SLCO3A1: variants seen among roughly 807,000 people sequenced by gnomAD.
SLCO3A1 encodes the protein solute carrier organic anion transporter family member 3A1.
Under a neutral mutation model 63.1 loss-of-function variants are expected in SLCO3A1, and 27 were observed. The observed-to-expected ratio is 0.43, with a 90% CI of 0.32 to 0.59. SLCO3A1 has a LOEUF of 0.59. Ranked by LOEUF, SLCO3A1 falls within the 20% of genes least tolerant of loss-of-function variation. The pLI is 0.09. For missense variants in SLCO3A1, 773 were observed against 945.8 expected, an observed-to-expected ratio of 0.82 and a Z score of 2.40; for synonymous variants, 473 against 409.9, an observed-to-expected ratio of 1.15 and a Z score of -1.86.
chr15:91,859,257 C>T lies in SLCO3A1; in HGVS notation c.180+5169C>T, dbSNP rs373201466. ...AAAATCTCGGTATTTTCTTGCCTCT[C>T]GGAAATGCCTTTGGTAATCTGTAGG... is the stretch of plus-strand genomic sequence containing the variant. On this transcript the variant is annotated intron_variant, in intron 1 of 9. Transcript: ENST00000318445. The surrounding 1 kb of genome is among the most constrained non-coding windows in gnomAD (Gnocchi z 5.1). 3.9e-5 allele frequency among the ~76,000 whole-genome samples: 6 copies of T among 152,260 alleles called. No individual in the cohort carries two copies. Among genetic ancestry groups the T allele is most frequent in the East Asian group, 1.9e-4 (1 of 5,178 alleles).
chr15:92,013,694 A>T (rs1052448681), intron 2 of SLCO3A1, among the ~76,000 whole-genome samples: 1 of 152,178 alleles, frequency 6.6e-6, no homozygotes, highest in African/African-American at 2.4e-5. Context: ...TGAGCTATAG[A>T]CCTGTCATAA....
At chr15:91,981,925 T>C (rs1021232832) in intron 2 of SLCO3A1, among the ~76,000 whole-genome samples, 1 of 152,260 alleles carries the variant, frequency 6.6e-6, no homozygotes, top group African/African-American at 2.4e-5. Context: ...AGCAGCTGCT[T>C]GCTGGTGAGC....
intron 10 of SLCO3A1, chr15:92,171,451 G>C (rs977641891): frequency 6.0e-5 from 14 of 234,986 alleles, no homozygotes; most frequent in African/African-American, 3.2e-4. Context: ...CACAAGGTCT[G>C]TCACTAGTAA....
intron 7 of SLCO3A1, 79 bp from the exon 8 acceptor site, chr15:92,146,905 C>A: frequency 7.5e-7 from 1 of 1,333,438 alleles, no homozygotes; most frequent in Admixed American, 2.3e-5. Flanking sequence ...TAGGCTGTGA[C>A]AGATTCAGCT....
At chr15:92,105,783 C>T (rs898359761) in intron 4 of SLCO3A1, among the ~76,000 whole-genome samples, 4 of 152,198 alleles carry the variant, frequency 2.6e-5, no homozygotes, top group African/African-American at 2.4e-5. Flanking sequence ...ATGGTCAGTC[C>T]CCTCTGTGCA....
At chr15:91,961,906 G>A (rs1196921898) in intron 2 of SLCO3A1, among the ~76,000 whole-genome samples, 1 of 152,226 alleles carries the variant, frequency 6.6e-6, no homozygotes, top group East Asian at 1.9e-4. Context: ...CTGAATGAAT[G>A]AATGCATTTG....
rs1900695744 is a variant in SLCO3A1, at chr15:91,967,318, A to G, written c.646+50860A>G. On this transcript the variant is annotated intron_variant, in intron 2 of 9. Transcript: ENST00000318445. This position sits in a 1 kb window ranked among gnomAD's most constrained non-coding sequence, Gnocchi z 4.4. ...AGAGGTATAAGAGGAAGCAGAGAGT[A>G]CTGTTTTCTAGATTAACTGCTCTAC... is the stretch of plus-strand genomic sequence containing the variant. 6.6e-6 allele frequency among the ~76,000 whole-genome samples: 1 copy of G among 152,192 alleles called. No individual in the cohort carries two copies. The highest frequency in any genetic ancestry group is 1.5e-5 in the Non-Finnish European group (1 of 68,030).
chr15:91,913,312 G>C (rs1259699470), intron 1 of SLCO3A1, among the ~76,000 whole-genome samples: 1 of 152,216 alleles, frequency 6.6e-6, no homozygotes, highest in Non-Finnish European at 1.5e-5. Context: ...CGAAGGCCAG[G>C]GCTGAAAGAG....
At position 92,121,476 on chromosome 15, in the gene SLCO3A1, C is replaced by T. The variant is rs80049629; in HGVS notation, c.1174+847C>T. Among the ~76,000 whole-genome samples the T allele has an allele frequency of 3.9e-3, 589 of 152,234 alleles. 2 individuals are homozygous for T. Among genetic ancestry groups the T allele is most frequent in the African/African-American group, 0.013 (552 of 41,524 alleles). ...TGGAAATAACAAAGAAGAATCAGAT[C>T]CATGCAAAGTTTCTGGATCAGACCT... is the stretch of plus-strand genomic sequence containing the variant. On this transcript the variant is annotated intron_variant, in intron 5 of 9. Coordinates refer to ENST00000318445, the MANE Select transcript of SLCO3A1 (RefSeq NM_013272.4).
intron 7 of SLCO3A1, among the ~76,000 whole-genome samples, chr15:92,146,679 A>G (rs565473522): frequency 2.6e-5 from 4 of 152,166 alleles, no homozygotes; most frequent in Non-Finnish European, 4.4e-5. Context: ...TGGAAGCGCA[A>G]TTTCCTCTCT....
intron 2 of SLCO3A1, among the ~76,000 whole-genome samples, chr15:92,059,164 C>G (rs769110739): frequency 1.3e-5 from 2 of 152,220 alleles, no homozygotes; most frequent in African/African-American, 2.4e-5. Context: ...CATCTCCACC[C>G]TCTCTTACCA....
At position 92,045,473 on chromosome 15, in the gene SLCO3A1, T is replaced by C. The variant is rs187285467; in HGVS notation, c.647-49408T>C. ...AAAGGTAATATTATTTTTACATGAC[T>C]GATATTATGCTATTTATCTTCTGTA... On this transcript the variant is annotated intron_variant, in intron 2 of 9. Coordinates refer to ENST00000318445, the MANE Select transcript of SLCO3A1 (RefSeq NM_013272.4). Among the ~76,000 whole-genome samples, 91 of 152,302 alleles carry C rather than the reference T, an allele frequency of 6.0e-4. 1 individual carries two copies. The highest frequency in any genetic ancestry group is 2.2e-3 in the African/African-American group (91 of 41,546).
In SLCO3A1 at chr15:92,165,413, C is replaced by T. The variant is rs557567823; in HGVS notation, c.*2278C>T. ...TTGCAAATATATTGCTAATAGGTCA[C>T]TCTTATAGATTATTGCTTGGCCCTT... On this transcript the variant is annotated 3_prime_UTR_variant, in exon 10 of 10. Transcript: ENST00000318445. 1 of 985,266 alleles carries T rather than the reference C, an allele frequency of 1.0e-6. No individual in the cohort carries two copies. The highest frequency in any genetic ancestry group is 1.7e-5 in the African/African-American group (1 of 57,290). 61.0% of individuals were successfully genotyped at this position (985,266 alleles called of 1,614,324 possible).
rs775356125 is a variant in SLCO3A1 at position 92,151,004 on chromosome 15, T to C, written c.1743T>C (p.Leu581=). The C allele has an allele frequency of 1.4e-5, 22 of 1,611,124 alleles. No homozygotes were observed. Among genetic ancestry groups the C allele is most frequent in the Non-Finnish European group, 1.9e-5 (22 of 1,177,560 alleles). Residue 581 remains leucine (L), a synonymous_variant, in exon 9 of 10, where the codon CTT becomes CTC. Coordinates refer to ENST00000318445, the MANE Select transcript of SLCO3A1 (RefSeq NM_013272.4). ...SYALGVLFLL[L]RLLGFIPPPL... is the part of the protein sequence containing the mutation. ...CTTTGGGAGTTCTTTTTCTCCTCCT[T>C]CGTTTGTTGGGTATGTATTATCTCT...
At position 92,068,960 on chromosome 15, in the gene SLCO3A1, A is replaced by G. The variant is rs1053170145; in HGVS notation, c.647-25921A>G. 2.6e-5 allele frequency among the ~76,000 whole-genome samples: 4 copies of G among 152,192 alleles called. No individual in the cohort carries two copies. In the East Asian group the frequency reaches 7.7e-4, roughly 29 times the overall value. On this transcript the variant is annotated intron_variant, in intron 2 of 9. Transcript: ENST00000318445. ...ACACGGTGATGATTCCTAGAGATTC[A>G]TGAATATTTGGAGATTCCTACTCTG...
intron 2 of SLCO3A1, among the ~76,000 whole-genome samples, chr15:92,019,806 G>A (rs1275926265): frequency 6.6e-6 from 1 of 152,182 alleles, no homozygotes; most frequent in Non-Finnish European, 1.5e-5. Context: ...TGCCACTTGT[G>A]GGGTGGCTCC....
rs562445147 is a variant in SLCO3A1, at chr15:91,970,026, C to T, written c.646+53568C>T. Among the ~76,000 whole-genome samples the T allele has an allele frequency of 3.9e-5, 6 of 152,012 alleles. No individual in the cohort carries two copies. The South Asian group carries it at 8.3e-4, about 21-fold the overall frequency. On this transcript the variant is annotated intron_variant, in intron 2 of 9. Coordinates refer to ENST00000318445, the MANE Select transcript of SLCO3A1 (RefSeq NM_013272.4). ...GAAGTGTAGTGTTTTTTCCCCTCAG[C>T]GAAATGTTAAAAGGCAAAAAGGCTA...
intron 1 of SLCO3A1, among the ~76,000 whole-genome samples, chr15:91,907,600 C>T (rs1347060636): frequency 6.6e-6 from 1 of 151,932 alleles, no homozygotes; most frequent in Non-Finnish European, 1.5e-5. Flanking sequence ...TCTTGGCTCA[C>T]TGCAGCCTTT....
In SLCO3A1 at chr15:91,860,083, A is replaced by G. The variant is rs1897011836; in HGVS notation, c.180+5995A>G. On this transcript the variant is annotated intron_variant, in intron 1 of 9. Coordinates refer to ENST00000318445, the MANE Select transcript of SLCO3A1 (RefSeq NM_013272.4). This position sits in a 1 kb window ranked among gnomAD's most constrained non-coding sequence, Gnocchi z 5.5. ...GTCACATGGGAGAGGAGCCCACTGC[A>G]GGAATGGTGATTCATGTTGATCATT... Among the ~76,000 whole-genome samples the G allele has an allele frequency of 6.6e-6, 1 of 152,220 alleles. No individual in the cohort carries two copies. Among genetic ancestry groups the G allele is most frequent in the Non-Finnish European group, 1.5e-5 (1 of 68,038 alleles).
Sources: allele counts gnomAD v4.1 joint callset (sites outside exome capture counted in the v4.1 genomes callset), GRCh38; gene constraint gnomAD v4.1.1; non-coding constraint Gnocchi (gnomAD v3.1); transcripts MANE v1.5; gene names NCBI Gene and HGNC (gene_info 2026-07-23, HGNC 2026-07-21).